SLC35F3: variants seen among roughly 807,000 people sequenced by gnomAD.
SLC35F3 encodes putative thiamine transporter SLC35F3.
In SLC35F3, 25 loss-of-function variants were observed where a neutral mutation model predicts 49.9. The observed-to-expected ratio is 0.50, with a 90% confidence interval of 0.37 to 0.70. The LOEUF (loss-of-function observed/expected upper bound fraction) is 0.70. Among genes scored for constraint, SLC35F3 ranks in the 30% least tolerant of loss-of-function variants. The pLI is 0.00. For synonymous variants in SLC35F3, 275 were observed against 265.4 expected, an observed-to-expected ratio of 1.04 and a Z score of -0.35; for missense variants, 525 against 639.8, an observed-to-expected ratio of 0.82 and a Z score of 1.94.
intron 2 of SLC35F3, among the ~76,000 whole-genome samples, chr1:234,198,558 G>T (rs1369243159): frequency 6.6e-6 from 1 of 152,056 alleles, no homozygotes; most frequent in Admixed American, 6.6e-5. Context: ...GCTATTGTCT[G>T]CTTTTTTTAT....
intron 3 of SLC35F3, among the ~76,000 whole-genome samples, chr1:234,264,147 T>C (rs899848948): frequency 1.3e-5 from 2 of 152,144 alleles, no homozygotes; most frequent in African/African-American, 4.8e-5. Context: ...TGGGAGGAAA[T>C]GTTAGCAATA....
intron 2 of SLC35F3, among the ~76,000 whole-genome samples, chr1:233,921,899 T>C (rs1662068152): frequency 6.6e-6 from 1 of 151,924 alleles, no homozygotes; most frequent in Non-Finnish European, 1.5e-5. Context: ...GGTATTTGGT[T>C]TTCTGTCCTT....
chr1:233,956,736 G>A (rs1048951033), intron 2 of SLC35F3, among the ~76,000 whole-genome samples: 23 of 152,216 alleles, frequency 1.5e-4, no homozygotes, highest in Admixed American at 1.4e-3. Context: ...CTCCAAGGGG[G>A]CTGCCTGCCA....
chr1:234,111,757 G>A (rs112880560), intron 2 of SLC35F3, among the ~76,000 whole-genome samples: 56 of 152,322 alleles, frequency 3.7e-4, no homozygotes, highest in Non-Finnish European at 6.3e-4. Context: ...CCAGGACAGC[G>A]GCCTCAGAGC....
intron 2 of SLC35F3, among the ~76,000 whole-genome samples, chr1:234,197,599 C>G (rs1572091023): frequency 1.3e-5 from 2 of 152,136 alleles, no homozygotes; most frequent in East Asian, 3.9e-4. Context: ...GGAGAGGGAG[C>G]AAGAAGGGTG....
intron 2 of SLC35F3, among the ~76,000 whole-genome samples, chr1:233,982,001 C>T (rs1006917345): frequency 1.1e-4 from 17 of 152,360 alleles, no homozygotes; most frequent in Admixed American, 9.8e-4. Context: ...AACCTCACTG[C>T]AACCTCCACC....
At chr1:234,025,739 A>T (rs1663966933) in intron 2 of SLC35F3, among the ~76,000 whole-genome samples, 1 of 152,088 alleles carries the variant, frequency 6.6e-6, no homozygotes, top group Admixed American at 6.5e-5. Context: ...TGCCATTTGT[A>T]AATATTTTCT....
At position 234,316,663 on chromosome 1, in the gene SLC35F3, A is replaced by G. The variant is rs201002741; in HGVS notation, c.890A>G (p.His297Arg). 5 of 1,612,824 alleles carry G rather than the reference A, an allele frequency of 3.1e-6. No individual in the cohort carries two copies. Among genetic ancestry groups the G allele is most frequent in the East Asian group, 2.2e-5 (1 of 44,840 alleles). Residue 297 changes from histidine (H) to arginine (R), a missense_variant, in exon 5 of 8, where the codon CAC becomes CGC. Physicochemically the swap from His to Arg is conservative, Grantham distance 29. This residue lies in a region of SLC35F3 where 216 missense variants were observed against 298.1 expected (regional missense o/e 0.72). Coordinates refer to ENST00000366618, the MANE Select transcript of SLC35F3 (RefSeq NM_173508.4). Reference sequence around the variant, plus strand: ...ATGATGACCTACGCTGATGGCTTCCACAGCCACTCCGTCATCGGCATCGCA... The same window carrying G: ...ATGATGACCTACGCTGATGGCTTCCGCAGCCACTCCGTCATCGGCATCGCA... Reference protein sequence around the residue: ...IVMMTYADGFHSHSVIGIALV... With the variant: ...IVMMTYADGFRSHSVIGIALV...
intron 2 of SLC35F3, among the ~76,000 whole-genome samples, chr1:233,935,189 CTT>C (rs35418747): frequency 4.5e-3 from 228 of 50,262 alleles, no homozygotes; most frequent in African/African-American, 0.019. Context: ...TTTCCTTGCC[CTT>C]TTTTTTTTTT....
At chr1:234,134,413 T>A (rs1665781106) in intron 2 of SLC35F3, among the ~76,000 whole-genome samples, 1 of 148,644 alleles carries the variant, frequency 6.7e-6, no homozygotes, top group African/African-American at 2.4e-5. Context: ...TTCTGGTAGA[T>A]AAATGTATAT....
At chr1:234,149,735 T>C (rs1666046558) in intron 2 of SLC35F3, among the ~76,000 whole-genome samples, 1 of 152,226 alleles carries the variant, frequency 6.6e-6, no homozygotes, top group South Asian at 2.1e-4. Context: ...GGCCAAATCC[T>C]GTGGAATCAG....
intron 2 of SLC35F3, among the ~76,000 whole-genome samples, chr1:234,095,644 A>G (rs1665104820): frequency 6.6e-6 from 1 of 152,184 alleles, no homozygotes; most frequent in Non-Finnish European, 1.5e-5. Context: ...GAGCATGGGT[A>G]TTGGTATCAT....
intron 2 of SLC35F3, among the ~76,000 whole-genome samples, chr1:233,956,391 C>G (rs948172765): frequency 1.3e-5 from 2 of 152,182 alleles, no homozygotes; most frequent in Admixed American, 6.5e-5. Context: ...ACTGCAGTCT[C>G]TCACCACTCT....
chr1:234,244,358 G>A (rs1231328575), intron 3 of SLC35F3, among the ~76,000 whole-genome samples: 1 of 152,166 alleles, frequency 6.6e-6, no homozygotes, highest in African/African-American at 2.4e-5. Context: ...TGCCCGGTGG[G>A]GTGCTGGTAG....
At position 234,306,949 on chromosome 1, in the gene SLC35F3, C is replaced by T. The variant is rs566818390; in HGVS notation, c.609-2152C>T. ...ATGTTCTTCTCTTAGAAAGGGAAAC[C>T]TCTAAGTATAGTGGAGATAGATTGA... On this transcript the variant is annotated intron_variant, in intron 3 of 7. Coordinates refer to ENST00000366618, the MANE Select transcript of SLC35F3 (RefSeq NM_173508.4). Among the ~76,000 whole-genome samples, 3 of 152,308 alleles carry T rather than the reference C, an allele frequency of 2.0e-5. No individual in the cohort carries two copies. In the South Asian group the frequency reaches 6.2e-4, roughly 32 times the overall value.
chr1:234,266,129 G>A (rs1041282544), intron 3 of SLC35F3, among the ~76,000 whole-genome samples: 6 of 152,198 alleles, frequency 3.9e-5, no homozygotes, highest in African/African-American at 1.4e-4. Flanking sequence ...GGATACATGA[G>A]GAGAGGGACT....
intron 3 of SLC35F3, among the ~76,000 whole-genome samples, chr1:234,305,527 C>T (rs921198576): frequency 2.0e-5 from 3 of 151,922 alleles, no homozygotes; most frequent in South Asian, 2.1e-4. Context: ...GGACTACAGG[C>T]GCGCACCACC....
intron 2 of SLC35F3, among the ~76,000 whole-genome samples, chr1:234,163,232 A>ACAAT (rs1404678093): frequency 4.6e-5 from 7 of 152,236 alleles, no homozygotes; most frequent in Non-Finnish European, 1.5e-5. Context: ...GGTACATCAT[A>ACAAT]CAATACACCT....
intron 2 of SLC35F3, among the ~76,000 whole-genome samples, chr1:234,018,826 C>G (rs1464645374): frequency 6.6e-6 from 1 of 152,218 alleles, no homozygotes; most frequent in African/African-American, 2.4e-5. Flanking sequence ...GGGAAGTTCT[C>G]TAATTTTCCT....
Sources: allele counts gnomAD v4.1 joint callset (sites outside exome capture counted in the v4.1 genomes callset), GRCh38; gene constraint gnomAD v4.1.1; regional missense constraint gnomAD v4.1.1; transcripts MANE v1.5; gene names NCBI Gene and HGNC (gene_info 2026-07-23, HGNC 2026-07-21).